Variants in DLG5 observed in about 807,000 individuals in gnomAD.
DLG5 encodes the protein disks large homolog 5.
Under a neutral mutation model 189.8 loss-of-function variants are expected in DLG5, and 48 were observed. That is an observed-to-expected ratio of 0.25 (90% CI 0.20 to 0.32). DLG5 has a LOEUF of 0.32. Ranked by LOEUF, DLG5 falls within the 10% of genes least tolerant of loss-of-function variation. The probability of loss-of-function intolerance (pLI) is 1.00; values close to 1 mark genes in which losing one functional copy is unlikely to be tolerated. For missense variants in DLG5, 2,160 were observed against 2,544.7 expected (o/e 0.85, Z 3.25); for synonymous variants, 1,016 against 1,054.1 (o/e 0.96, Z 0.70).
chr10:77,809,495 C>T (rs1841648605), intron 24 of DLG5, 52 bp downstream of exon 24: 2 of 1,541,890 alleles, frequency 1.3e-6, no homozygotes, highest in Admixed American at 4.0e-5. Context: ...TGGCAGCAAG[C>T]CCACTGTGCA....
chr10:77,857,059 G>A (rs961938854), intron 2 of DLG5, among the ~76,000 whole-genome samples, 167 bp from the exon 3 acceptor site: 1 of 152,120 alleles, frequency 6.6e-6, no homozygotes, highest in African/African-American at 2.4e-5. Flanking sequence ...ACGGTAGCAG[G>A]TAGAACTGAA....
At chr10:77,875,897 A>G (rs1845072426) in intron 1 of DLG5, among the ~76,000 whole-genome samples, 1 of 151,772 alleles carries the variant, frequency 6.6e-6, no homozygotes, top group Non-Finnish European at 1.5e-5. Context: ...CTTTAAAAGC[A>G]CGGCCCAAGG....
At chr10:77,879,828 G>T (rs1357334831) in intron 1 of DLG5, among the ~76,000 whole-genome samples, 1 of 151,678 alleles carries the variant, frequency 6.6e-6, no homozygotes, top group Non-Finnish European at 1.5e-5. Context: ...AGGGAGTTGG[G>T]GAATCATGAG....
the DLG5 span, among the ~76,000 whole-genome samples, chr10:77,937,274 A>C: frequency 6.7e-6 from 1 of 149,232 alleles, no homozygotes; most frequent in Admixed American, 6.7e-5. Flanking sequence ...GCCTGTCCAA[A>C]CTCCTCTCAT....
chr10:77,894,619 G>C (rs1443248085), intron 1 of DLG5, among the ~76,000 whole-genome samples: 1 of 131,886 alleles, frequency 7.6e-6, no homozygotes, highest in African/African-American at 2.9e-5. Flanking sequence ...TTTAAACACA[G>C]AGGATGGAAG....
At chr10:77,834,098 G>A in intron 8 of DLG5, 59 bp from the exon 9 acceptor site, 3 of 1,568,900 alleles carry the variant, frequency 1.9e-6, no homozygotes, top group Non-Finnish European at 2.6e-6. Flanking sequence ...GGGGTTCCTG[G>A]TCTGCAGCGG....
At chr10:77,936,441 C>CAAAA in the DLG5 span, among the ~76,000 whole-genome samples, 6 of 87,838 alleles carry the variant, frequency 6.8e-5, no homozygotes, top group Admixed American at 2.5e-4. Context: ...CGTCTCAAAA[C>CAAAA]AAAACAAAAA....
intron 2 of DLG5, among the ~76,000 whole-genome samples, chr10:77,859,350 C>T (rs921145264): frequency 9.9e-5 from 15 of 152,194 alleles, no homozygotes; most frequent in Non-Finnish European, 2.1e-4. Flanking sequence ...AAGCCTACAG[C>T]GGTGTACAGT....
Position 77,854,313 on chromosome 10 carries a change from G to A in DLG5, c.594C>T (p.Ala198=), listed in dbSNP as rs1219020258. Residue 198 remains alanine (A), a synonymous_variant, in exon 4 of 32, where the codon GCC becomes GCT. Coordinates refer to ENST00000372391, the MANE Select transcript of DLG5 (RefSeq NM_004747.4). ...YERLKIQCVR[A]MSDLQSLQNQ... is the part of the protein sequence containing the mutation. The stretch of plus-strand genomic sequence containing the variant: ...TCTGCAGGCTCTGCAGGTCCGACAT[G>A]GCTCGCACGCACTGGATCTTCAGCC... 2 of 1,614,190 alleles carry A rather than the reference G, an allele frequency of 1.2e-6. No individual in the cohort carries two copies. The highest frequency in any genetic ancestry group is 3.3e-5 in the Admixed American group (2 of 60,030).
rs571912637 is a variant in DLG5, at chr10:77,859,684, T to C, written c.374-2792A>G. Among the ~76,000 whole-genome samples, 3 of 152,306 alleles carry C rather than the reference T, an allele frequency of 2.0e-5. No individual in the cohort carries two copies. The South Asian group carries it at 6.2e-4, about 32-fold the overall frequency. The stretch of plus-strand genomic sequence containing the variant: ...AGCACACTCATGTTTACACAACAAC[T>C]AAATTACCAAATGACAACGCATTTC... On this transcript the variant is annotated intron_variant, in intron 2 of 31. Coordinates refer to ENST00000372391, the MANE Select transcript of DLG5 (RefSeq NM_004747.4).
intron 1 of DLG5, among the ~76,000 whole-genome samples, chr10:77,877,979 C>T (rs150829224): frequency 6.6e-6 from 1 of 152,202 alleles, no homozygotes; most frequent in Non-Finnish European, 1.5e-5. Flanking sequence ...GGACATCCCC[C>T]GGGGGCCATG....
intron 1 of DLG5, among the ~76,000 whole-genome samples, chr10:77,903,821 T>G (rs1845999572): frequency 6.6e-6 from 1 of 152,200 alleles, no homozygotes; most frequent in Non-Finnish European, 1.5e-5. Context: ...ATAAGGGATA[T>G]TCTGCCTGTT....
intron 1 of DLG5, among the ~76,000 whole-genome samples, chr10:77,891,619 A>G (rs1363532923): frequency 1.4e-5 from 2 of 144,624 alleles, no homozygotes; most frequent in African/African-American, 5.3e-5. Flanking sequence ...CACACACGAG[A>G]AGAAAGCAAC....
Position 77,841,878 on chromosome 10 carries a change from T to TACC in DLG5, c.1437_1437+2dup. ...AAAGCCAGCCACCGGCCCACCCACCTACCTGCCGCAGCGCCTCCATCTCCT... is the reference window on the plus strand; with the variant it reads ...AAAGCCAGCCACCGGCCCACCCACCTACCACCTGCCGCAGCGCCTCCATCTCCT... On this transcript the variant is annotated splice_region_variant and intron_variant, in intron 7 of 31. Coordinates refer to ENST00000372391, the MANE Select transcript of DLG5 (RefSeq NM_004747.4). 1.9e-6 allele frequency: 3 copies of TACC among 1,604,452 alleles called. No individual in the cohort carries two copies. The highest frequency in any genetic ancestry group is 2.6e-6 in the Non-Finnish European group (3 of 1,173,610).
At chr10:77,865,950 A>ACCTGCCATTGTTTTC (rs1844663552) in intron 2 of DLG5, among the ~76,000 whole-genome samples, 1 of 152,170 alleles carries the variant, frequency 6.6e-6, no homozygotes, top group Non-Finnish European at 1.5e-5. Flanking sequence ...GCTGAATACA[A>ACCTGCCATTGTTTTC]CCTGCCATTG....
chr10:77,852,935 C>T (rs142948901), intron 5 of DLG5, among the ~76,000 whole-genome samples: 27 of 152,192 alleles, frequency 1.8e-4, no homozygotes, highest in African/African-American at 5.1e-4. Context: ...CTAAGAGGGC[C>T]GGGAAACAGT....
chr10:77,911,810 T>A (rs1846229156), intron 1 of DLG5, among the ~76,000 whole-genome samples: 1 of 151,984 alleles, frequency 6.6e-6, no homozygotes, highest in African/African-American at 2.4e-5. Context: ...CACGGCAGGC[T>A]GCATGTTAGC....
chr10:77,919,918 G>A (rs1309282570), intron 1 of DLG5, among the ~76,000 whole-genome samples: 1 of 152,150 alleles, frequency 6.6e-6, no homozygotes, highest in East Asian at 1.9e-4. Flanking sequence ...GAATCTGCAT[G>A]TATATTTGAA....
intron 7 of DLG5, among the ~76,000 whole-genome samples, chr10:77,836,714 G>A (rs1306985093): frequency 6.6e-6 from 1 of 152,162 alleles, no homozygotes; most frequent in African/African-American, 2.4e-5. Context: ...CAGAGGCAGA[G>A]GAGCTGAAAA....
Sources: allele counts gnomAD v4.1 joint callset (sites outside exome capture counted in the v4.1 genomes callset), GRCh38; gene constraint gnomAD v4.1.1; transcripts MANE v1.5; gene names NCBI Gene and HGNC (gene_info 2026-07-23, HGNC 2026-07-21).